Variants in CRTC3 observed in about 807,000 individuals in gnomAD.
CRTC3 encodes CREB-regulated transcription coactivator 3.
In CRTC3, 26 loss-of-function variants were observed where a neutral mutation model predicts 74.5. The observed-to-expected ratio is 0.35, with a 90% CI of 0.26 to 0.48. The LOEUF (loss-of-function observed/expected upper bound fraction) is 0.48. Ranked by LOEUF, CRTC3 falls within the 20% of genes least tolerant of loss-of-function variation. CRTC3 has a pLI of 0.99. For missense variants in CRTC3, 760 were observed against 787.3 expected, an observed-to-expected ratio of 0.97 and a Z score of 0.41; for synonymous variants, 377 against 325.8, an observed-to-expected ratio of 1.16 and a Z score of -1.69.
chr15:90,621,254 T>C (rs953093318), intron 9 of CRTC3, among the ~76,000 whole-genome samples: 2 of 152,210 alleles, frequency 1.3e-5, no homozygotes, highest in African/African-American at 2.4e-5. Context: ...AAGCCTAACA[T>C]TATAGAATTG....
At chr15:90,596,746 C>G (rs1967935885) in intron 3 of CRTC3, among the ~76,000 whole-genome samples, 1 of 152,164 alleles carries the variant, frequency 6.6e-6, no homozygotes, top group Admixed American at 6.5e-5. Context: ...GTGAAATAAT[C>G]TGCTTAAAAT....
intron 2 of CRTC3, among the ~76,000 whole-genome samples, chr15:90,547,171 A>G (rs1194555001): frequency 6.6e-6 from 1 of 152,232 alleles, no homozygotes; most frequent in Non-Finnish European, 1.5e-5. Flanking sequence ...TCATAAATGT[A>G]TACCTTGTGG....
At chr15:90,572,922 TAAAAC>T (rs1288167592) in intron 2 of CRTC3, among the ~76,000 whole-genome samples, 1 of 152,208 alleles carries the variant, frequency 6.6e-6, no homozygotes. Context: ...ACACATAACT[TAAAAC>T]TTAACATCTT....
chr15:90,593,727 G>T lies in CRTC3; in HGVS notation c.323G>T (p.Arg108Leu). ...AGGAACCGCTTCCACCCCCTCCACC[G>T]AAGGTCTGGGGACAAGCCAGGGCGA... Reference protein sequence around the residue: ...PSRNRFHPLHRRSGDKPGRQF... With the variant: ...PSRNRFHPLHLRSGDKPGRQF... Residue 108 changes from arginine to leucine, a missense_variant, in exon 3 of 15, where the codon CGA becomes CTA. Around this residue, in one of 2 missense-constraint regions of CRTC3, gnomAD observed 652 missense variants for 635.2 expected, o/e 1.03. Coordinates refer to ENST00000268184, the MANE Select transcript of CRTC3 (RefSeq NM_022769.5). 6.2e-7 allele frequency: 1 copy of T among 1,609,914 alleles called. No individual in the cohort carries two copies. The highest frequency in any genetic ancestry group is 8.5e-7 in the Non-Finnish European group (1 of 1,176,632).
chr15:90,570,360 G>C (rs1967234071), intron 2 of CRTC3, among the ~76,000 whole-genome samples: 1 of 152,066 alleles, frequency 6.6e-6, no homozygotes, highest in African/African-American at 2.4e-5. Flanking sequence ...GAAGTCACTT[G>C]TATCTCATGT....
chr15:90,638,897 G>A, intron 13 of CRTC3, 82 bp downstream of exon 13: 1 of 1,160,854 alleles, frequency 8.6e-7, no homozygotes, highest in Non-Finnish European at 1.3e-6. Flanking sequence ...ATTCAGAACT[G>A]AGCAGACCAG....
chr15:90,595,196 G>T (rs1967890223), intron 3 of CRTC3: 1 of 152,264 alleles, frequency 6.6e-6, no homozygotes, highest in Non-Finnish European at 1.5e-5. Flanking sequence ...ATGTCAGGAT[G>T]GAGTGGTACA....
chr15:90,579,894 G>A (rs547551334), intron 2 of CRTC3, among the ~76,000 whole-genome samples: 26 of 151,946 alleles, frequency 1.7e-4, no homozygotes, highest in East Asian at 1.4e-3. Context: ...CACCCGCCTC[G>A]GCCTCCCAAA....
At chr15:90,543,669 A>T (rs1966838953) in intron 2 of CRTC3, among the ~76,000 whole-genome samples, 1 of 152,182 alleles carries the variant, frequency 6.6e-6, no homozygotes, top group Non-Finnish European at 1.5e-5. Context: ...GAACTGAGAA[A>T]AATTCTTGAA....
chr15:90,556,263 T>C (rs1178371919), intron 2 of CRTC3, among the ~76,000 whole-genome samples: 1 of 152,324 alleles, frequency 6.6e-6, no homozygotes, highest in African/African-American at 2.4e-5. Context: ...ATAAACACTT[T>C]TATGTATGAG....
chr15:90,585,028 G>A (rs548109936), intron 2 of CRTC3, among the ~76,000 whole-genome samples: 1 of 152,334 alleles, frequency 6.6e-6, no homozygotes, highest in East Asian at 1.9e-4. Context: ...TTGTAGGTGT[G>A]CCGTTTGTAT....
intron 2 of CRTC3, among the ~76,000 whole-genome samples, chr15:90,568,161 A>G (rs12437503): frequency 0.67 from 102,389 of 152,042 alleles, 35,711 homozygotes; most frequent in Non-Finnish European, 0.77. Flanking sequence ...GAGCCTGAAG[A>G]TGTGACTGAA....
chr15:90,617,600 A>T (rs1167662874), intron 7 of CRTC3, among the ~76,000 whole-genome samples: 1 of 151,860 alleles, frequency 6.6e-6, no homozygotes, highest in Non-Finnish European at 1.5e-5. Flanking sequence ...CACCGTCATG[A>T]CTCAGTGCAG....
At chr15:90,583,011 C>CT (rs952960457) in intron 2 of CRTC3, among the ~76,000 whole-genome samples, 11 of 151,112 alleles carry the variant, frequency 7.3e-5, no homozygotes, top group East Asian at 1.9e-4. Flanking sequence ...ATTTCTTCTT[C>CT]TTTTTTTTTA....
chr15:90,564,904 ACCTT>A (rs71154112), intron 2 of CRTC3, among the ~76,000 whole-genome samples: 15,751 of 145,820 alleles, frequency 0.11, 1,066 homozygotes, highest in African/African-American at 0.18. Flanking sequence ...AATTTAACCA[ACCTT>A]CCTTCCTTCC....
chr15:90,614,694 A>G, intron 7 of CRTC3: 1 of 483,484 alleles, frequency 2.1e-6, no homozygotes, highest in Non-Finnish European at 3.7e-6. Flanking sequence ...TGGTTGCATT[A>G]CAAAGGTTCC....
At position 90,643,739 on chromosome 15, in the gene CRTC3, T is replaced by G. The variant is rs905771990; in HGVS notation, c.*1599T>G. ...AGCACTGCAGGGGGAGGGGGGGGTC[T>G]AGGCTGTGAGAGGACAGGGTGGAGA... On this transcript the variant is annotated 3_prime_UTR_variant, in exon 15 of 15. Coordinates refer to ENST00000268184, the MANE Select transcript of CRTC3 (RefSeq NM_022769.5). The G allele has an allele frequency of 4.3e-6, 1 of 231,894 alleles. No individual in the cohort carries two copies. Among genetic ancestry groups the G allele is most frequent in the Admixed American group, 5.6e-5 (1 of 17,718 alleles). 14.4% of individuals were successfully genotyped at this position (231,894 alleles called of 1,614,324 possible). A position where few individuals can be genotyped will look rare whatever the true frequency, so the allele number is the denominator to read the frequency against.
chr15:90,630,809 C>T lies in CRTC3; in HGVS notation c.1266+1277C>T, dbSNP rs1308527029. On this transcript the variant is annotated intron_variant, in intron 11 of 14. Transcript: ENST00000268184. ...TTTTTGAGACGGAGTCTCGCTCTGT[C>T]GCCCAGGTCGGACTGCGGACTGCAG... Among the ~76,000 whole-genome samples, 3 of 10,356 alleles carry T rather than the reference C, an allele frequency of 2.9e-4. 1 individual carries two copies. The highest frequency in any genetic ancestry group is 1.2e-3 in the Non-Finnish European group (3 of 2,432). The allele number at this position is 10,356 out of a possible 152,430, so 6.8% of individuals were successfully genotyped here.
chr15:90,567,035 G>A (rs557733089), intron 2 of CRTC3, among the ~76,000 whole-genome samples: 1 of 152,224 alleles, frequency 6.6e-6, no homozygotes, highest in African/African-American at 2.4e-5. Flanking sequence ...AGATGAAACA[G>A]TCTCTTTTGG....
Sources: gnomAD v4.1 joint callset for allele counts (sites outside exome capture counted in the v4.1 genomes callset) on GRCh38, gnomAD v4.1.1 for gene constraint, gnomAD v4.1.1 regional missense constraint, MANE v1.5 for transcripts, NCBI Gene and HGNC (gene_info 2026-07-23, HGNC 2026-07-21) for gene names.